Variants in BLM observed in about 807,000 individuals in gnomAD.
BLM encodes recQ-like DNA helicase BLM.
BLM carries 95 observed loss-of-function variants against 135.3 expected under a neutral mutation model. The ratio of observed to expected loss-of-function variants is 0.70; its 90% CI spans 0.59 to 0.83. BLM has a LOEUF of 0.83. Among genes scored for constraint, BLM ranks in the 40% least tolerant of loss-of-function variants. The pLI, the probability that BLM is intolerant of heterozygous loss-of-function variation, is 0.00. For missense variants in BLM, 1,518 were observed against 1,663.9 expected, an observed-to-expected ratio of 0.91 and a Z score of 1.53; for synonymous variants, 520 against 589.2, an observed-to-expected ratio of 0.88 and a Z score of 1.70.
At chr15:90,814,900 C>T (rs1400403610) in intron 21 of BLM, among the ~76,000 whole-genome samples, 1 of 152,030 alleles carries the variant, frequency 6.6e-6, no homozygotes, top group African/African-American at 2.4e-5. Flanking sequence ...AAATCCAGAA[C>T]AAATTTATAT....
At chr15:90,755,679 T>C (rs1305160602) in intron 5 of BLM, among the ~76,000 whole-genome samples, 1 of 152,182 alleles carries the variant, frequency 6.6e-6, no homozygotes, top group African/African-American at 2.4e-5. Flanking sequence ...TTTTCACTCT[T>C]CCTGGAACTT....
At chr15:90,738,681 C>G (rs1895286106) in intron 1 of BLM, among the ~76,000 whole-genome samples, 2 of 152,144 alleles carry the variant, frequency 1.3e-5, no homozygotes, top group South Asian at 4.1e-4. Flanking sequence ...AGAAGATATA[C>G]AAATGGCCAA....
intron 1 of BLM, among the ~76,000 whole-genome samples, chr15:90,734,840 A>G (rs964413874): frequency 1.7e-4 from 26 of 152,140 alleles, no homozygotes; most frequent in African/African-American, 6.3e-4. Context: ...TGTATTTAAC[A>G]TTGTACTGGG....
rs763918749 is a variant in BLM, at chr15:90,769,528, G to A, written c.2497G>A (p.Ala833Thr). 2 of 1,614,046 alleles carry A rather than the reference G, an allele frequency of 1.2e-6. No homozygotes were observed. The highest frequency in any genetic ancestry group is 1.7e-6 in the Non-Finnish European group (2 of 1,179,970). ...SVPVMALTAT[A>T]NPRVQKDILT... is the part of the protein sequence containing the mutation. ...TCCGGTGATGGCTCTTACGGCCACA[G>A]CTAATCCCAGGGTACAGAAGGACAT... Residue 833 changes from alanine to threonine, a missense_variant, in exon 12 of 22, where the codon GCT becomes ACT. This residue lies in a region of BLM where 626 missense variants were observed against 681.1 expected (regional missense o/e 0.92). Transcript: ENST00000355112.
intron 1 of BLM, among the ~76,000 whole-genome samples, chr15:90,745,323 AT>A (rs1329057988): frequency 2.0e-5 from 3 of 152,202 alleles, no homozygotes; most frequent in African/African-American, 4.8e-5. Flanking sequence ...CTGAAAAAAA[AT>A]TCATCACTAT....
chr15:90,740,253 A>G (rs1041819156), intron 1 of BLM, among the ~76,000 whole-genome samples: 10 of 151,868 alleles, frequency 6.6e-5, no homozygotes, highest in African/African-American at 2.4e-4. Context: ...ATCTTTCCCA[A>G]CCCTAGGCAA....
chr15:90,770,981 GAATT>G (rs1896298531), intron 12 of BLM, among the ~76,000 whole-genome samples: 1 of 152,186 alleles, frequency 6.6e-6, no homozygotes, highest in Non-Finnish European at 1.5e-5. Context: ...TTCCAGCCTA[GAATT>G]ATTTTATTGC....
At chr15:90,733,175 A>C (rs1895113143) in intron 1 of BLM, among the ~76,000 whole-genome samples, 1 of 152,236 alleles carries the variant, frequency 6.6e-6, no homozygotes, top group Non-Finnish European at 1.5e-5. Context: ...ACAAATATAC[A>C]GAATAAGAAA....
intron 1 of BLM, among the ~76,000 whole-genome samples, chr15:90,730,185 T>C (rs2151132155): frequency 6.6e-6 from 1 of 152,266 alleles, no homozygotes; most frequent in Middle Eastern, 3.4e-3. Context: ...TGAAGATTCT[T>C]TTAGATGTTC....
chr15:90,759,147 A>C (rs775643564), intron 5 of BLM, among the ~76,000 whole-genome samples: 2 of 152,226 alleles, frequency 1.3e-5, no homozygotes, highest in African/African-American at 2.4e-5. Flanking sequence ...ATGAGCTCTT[A>C]TGATAAAGCG....
chr15:90,733,448 A>G (rs1459640473), intron 1 of BLM, among the ~76,000 whole-genome samples: 6 of 152,342 alleles, frequency 3.9e-5, no homozygotes, highest in Non-Finnish European at 7.3e-5. Context: ...ATTCTACTAC[A>G]TTTATGGAGT....
chr15:90,806,982 C>A (rs1299532113), intron 19 of BLM, among the ~76,000 whole-genome samples: 1 of 152,206 alleles, frequency 6.6e-6, no homozygotes. Context: ...CAGCTGTGTG[C>A]CTGTATGAAA....
chr15:90,781,968 C>T (rs1896626620), intron 12 of BLM, among the ~76,000 whole-genome samples: 1 of 152,186 alleles, frequency 6.6e-6, no homozygotes, highest in Admixed American at 6.5e-5. Flanking sequence ...CTTCCACAAT[C>T]CTAATTTTTT....
At chr15:90,741,170 A>G (rs538866814) in intron 1 of BLM, among the ~76,000 whole-genome samples, 2 of 152,338 alleles carry the variant, frequency 1.3e-5, no homozygotes, top group South Asian at 2.1e-4. Context: ...TTCATATACC[A>G]TGAAATTCAC....
intron 10 of BLM, 119 bp from the exon 11 acceptor site, chr15:90,769,014 C>G: frequency 1.1e-6 from 1 of 916,118 alleles, no homozygotes; most frequent in South Asian, 1.3e-5. Flanking sequence ...GCGTGAGCCA[C>G]CGCACCCGGC....
chr15:90,748,851 G>C (rs1440138836), intron 2 of BLM, among the ~76,000 whole-genome samples: 2 of 151,460 alleles, frequency 1.3e-5, no homozygotes, highest in East Asian at 1.9e-4. Flanking sequence ...TCCACCTCCT[G>C]GGTTCAAGCT....
At chr15:90,795,652 G>A (rs1312366384) in intron 16 of BLM, among the ~76,000 whole-genome samples, 1 of 151,788 alleles carries the variant, frequency 6.6e-6, no homozygotes, top group Non-Finnish European at 1.5e-5. Context: ...GATATTTGTT[G>A]GGCTGTGTAA....
At chr15:90,814,697 T>C (rs2151201972) in intron 21 of BLM, among the ~76,000 whole-genome samples, 1 of 152,330 alleles carries the variant, frequency 6.6e-6, no homozygotes, top group Admixed American at 6.5e-5. Flanking sequence ...GGGGTGCCTG[T>C]CAGCAGGGAG....
Position 90,811,335 on chromosome 15 carries a change from G to T in BLM, c.4005G>T (p.Lys1335Asn). 1 of 1,614,082 alleles carries T rather than the reference G, an allele frequency of 6.2e-7. No individual in the cohort carries two copies. Among genetic ancestry groups the T allele is most frequent in the Non-Finnish European group, 8.5e-7 (1 of 1,180,014 alleles). Residue 1335 changes from lysine (K) to asparagine (N), a missense_variant, in exon 21 of 22, where the codon AAG (lysine) becomes AAT (asparagine). Around this residue, in one of 5 missense-constraint regions of BLM, gnomAD observed 153 missense variants for 173.4 expected, o/e 0.88. Coordinates refer to ENST00000355112, the MANE Select transcript of BLM (RefSeq NM_000057.4). ...CAAGTAAAACCAGAAATGAAAGGAA[G>T]AGGAAAAAGATGCCAGCCTCCCAAA... ...YFASKTRNERKRKKMPASQRS... is the reference protein window; with the variant it reads ...YFASKTRNERNRKKMPASQRS...
Sources: gnomAD v4.1 joint callset for allele counts (sites outside exome capture counted in the v4.1 genomes callset) on GRCh38, gnomAD v4.1.1 for gene constraint, gnomAD v4.1.1 regional missense constraint, MANE v1.5 for transcripts, NCBI Gene and HGNC (gene_info 2026-07-23, HGNC 2026-07-21) for gene names.